Variants in ATF2 observed in about 807,000 individuals in gnomAD.
The protein encoded by ATF2 is cyclic AMP-dependent transcription factor ATF-2.
Under a neutral mutation model 60.6 loss-of-function variants are expected in ATF2, and 24 were observed. The ratio of observed to expected loss-of-function variants is 0.40; its 90% CI spans 0.29 to 0.56. The LOEUF (loss-of-function observed/expected upper bound fraction) is 0.56, where lower values mean the gene tolerates loss of function less well. Ranked by LOEUF, ATF2 falls within the 20% of genes least tolerant of loss-of-function variation. The pLI, the probability that ATF2 is intolerant of heterozygous loss-of-function variation, is 0.54. For synonymous variants in ATF2, 206 were observed against 215.4 expected, an observed-to-expected ratio of 0.96 and a Z score of 0.38; for missense variants, 433 against 607.7, an observed-to-expected ratio of 0.71 and a Z score of 3.02.
chr2:175,144,985 G>A (rs1186235516), intron 2 of ATF2, among the ~76,000 whole-genome samples: 3 of 152,212 alleles, frequency 2.0e-5, no homozygotes, highest in Admixed American at 6.5e-5. Context: ...CTAGGTAAGA[G>A]TGAATTCATA....
chr2:175,108,322 G>A (rs1351920109), intron 10 of ATF2, among the ~76,000 whole-genome samples: 1 of 151,196 alleles, frequency 6.6e-6, no homozygotes, highest in African/African-American at 2.4e-5. Context: ...GGAGGGAGGT[G>A]GGGGGTCAAC....
chr2:175,166,834 G>A (rs955437169), intron 1 of ATF2, among the ~76,000 whole-genome samples: 5 of 152,138 alleles, frequency 3.3e-5, no homozygotes, highest in African/African-American at 1.2e-4. Flanking sequence ...CATGCATTGT[G>A]ACCGTCTCCA....
At position 175,078,146 on chromosome 2, in the gene ATF2, T is replaced by G. The variant is rs538337976; in HGVS notation, c.1291+2514A>C. Among the ~76,000 whole-genome samples, 62 of 152,258 alleles carry G rather than the reference T, an allele frequency of 4.1e-4. 1 individual carries two copies. In the South Asian group the frequency reaches 0.013, roughly 31 times the overall value. Reference sequence around the variant, plus strand: ...AAATGCCTGGCTTTTTTAAACTTTATTTTTTGTAGAGATGGGGTCCCGCTA... The same window carrying G: ...AAATGCCTGGCTTTTTTAAACTTTAGTTTTTGTAGAGATGGGGTCCCGCTA... On this transcript the variant is annotated intron_variant, in intron 13 of 13. Transcript: ENST00000264110.
At chr2:175,082,488 A>G (rs1359883368) in intron 12 of ATF2, among the ~76,000 whole-genome samples, 1 of 152,186 alleles carries the variant, frequency 6.6e-6, no homozygotes, top group South Asian at 2.1e-4. Flanking sequence ...TACCCAATGT[A>G]TATTACCCAT....
Position 175,093,192 on chromosome 2 carries a change from C to T in ATF2, c.1054G>A (p.Asp352Asn), listed in dbSNP as rs1374929488. The change falls in exon 12 of 14, where the codon GAT becomes AAT. Residue 352 changes from aspartate to asparagine, a missense_variant. By Grantham distance (23) the Asp-to-Asn change is conservative (BLOSUM62 1). Coordinates refer to ENST00000264110, the MANE Select transcript of ATF2 (RefSeq NM_001880.4). ...TCTAAAAACTTTCTCCTTTTTTCATCAGGATCTTCGTTAGCTGCTCTTCTC... is the reference window on the plus strand; with the variant it reads ...TCTAAAAACTTTCTCCTTTTTTCATTAGGATCTTCGTTAGCTGCTCTTCTC... ...RRRRAANEDPDEKRRKFLERN... is the reference protein window; with the variant it reads ...RRRRAANEDPNEKRRKFLERN... 6.2e-7 allele frequency: 1 copy of T among 1,613,996 alleles called. No individual in the cohort carries two copies. Among genetic ancestry groups the T allele is most frequent in the African/African-American group, 1.3e-5 (1 of 74,926 alleles).
At chr2:175,165,456 G>T (rs972112459) in intron 1 of ATF2, among the ~76,000 whole-genome samples, 21 of 152,156 alleles carry the variant, frequency 1.4e-4, no homozygotes, top group African/African-American at 5.1e-4. Flanking sequence ...CAATTTACCA[G>T]ACAAGAACGT....
chr2:175,087,470 T>C (rs972736753), intron 12 of ATF2, among the ~76,000 whole-genome samples: 1 of 152,190 alleles, frequency 6.6e-6, no homozygotes, highest in Non-Finnish European at 1.5e-5. Context: ...TCTTACATTG[T>C]CTATGTAATG....
At chr2:175,162,979 A>T (rs765875968) in intron 1 of ATF2, among the ~76,000 whole-genome samples, 3 of 151,972 alleles carry the variant, frequency 2.0e-5, no homozygotes, top group East Asian at 1.9e-4. Context: ...TAAAAATATT[A>T]AAAAATTTGC....
intron 2 of ATF2, among the ~76,000 whole-genome samples, chr2:175,144,305 C>A (rs1698800215): frequency 6.6e-6 from 1 of 152,056 alleles, no homozygotes; most frequent in Non-Finnish European, 1.5e-5. Flanking sequence ...AAAAATATTT[C>A]TCCTGCTATT....
chr2:175,151,145 T>C lies in ATF2; in HGVS notation c.-129A>G, dbSNP rs1699287992. ...ATCAATAAGCAGTCCTTTCTCAAGT[T>C]TCCATCTAGTACCCTTAGGGAAAAA... On this transcript the variant is annotated 5_prime_UTR_variant, in exon 2 of 14. Coordinates refer to ENST00000264110, the MANE Select transcript of ATF2 (RefSeq NM_001880.4). The C allele has an allele frequency of 6.6e-6, 1 of 152,516 alleles. No individual in the cohort carries two copies. Among genetic ancestry groups the C allele is most frequent in the South Asian group, 2.1e-4 (1 of 4,826 alleles). The allele number at this position is 152,516 out of a possible 1,614,324, so 9.4% of individuals were successfully genotyped here. A position where few individuals can be genotyped will look rare whatever the true frequency, so the allele number is the denominator to read the frequency against.
chr2:175,166,101 G>T (rs752441462), intron 1 of ATF2, among the ~76,000 whole-genome samples: 1 of 152,098 alleles, frequency 6.6e-6, no homozygotes, highest in Non-Finnish European at 1.5e-5. Flanking sequence ...ATTTTAAAAA[G>T]GATTTTCAGG....
At chr2:175,104,611 T>C (rs1695522605) in intron 10 of ATF2, among the ~76,000 whole-genome samples, 1 of 152,180 alleles carries the variant, frequency 6.6e-6, no homozygotes, top group South Asian at 2.1e-4. Context: ...AATCAAGTTC[T>C]GTGACCATTT....
In ATF2 at chr2:175,085,599, A is replaced by ACACACAC. The variant is rs1553501577; in HGVS notation, c.1186-4835_1186-4834insGTGTGTG. Reference sequence around the variant, plus strand: ...ACACACACACACACACACACACACAAATTCTCTCTTTAAATAGACAGGTCT... The same window carrying ACACACAC: ...ACACACACACACACACACACACACAACACACACATTCTCTCTTTAAATAGACAGGTCT... On this transcript the variant is annotated intron_variant, in intron 12 of 13. Transcript: ENST00000264110. 7.2e-4 allele frequency among the ~76,000 whole-genome samples: 79 copies of ACACACAC among 110,382 alleles called. 1 individual carries two copies. Among genetic ancestry groups the ACACACAC allele is most frequent in the South Asian group, 3.6e-3 (13 of 3,618 alleles). 72.4% of individuals were successfully genotyped at this position (110,382 alleles called of 152,430 possible).
At chr2:175,142,331 G>T (rs528955307) in intron 2 of ATF2, among the ~76,000 whole-genome samples, 1 of 151,850 alleles carries the variant, frequency 6.6e-6, no homozygotes, top group African/African-American at 2.4e-5. Flanking sequence ...ACCACTCCCG[G>T]CTAATTTTTG....
chr2:175,124,568 A>G (rs1697191513), intron 4 of ATF2, among the ~76,000 whole-genome samples: 1 of 151,958 alleles, frequency 6.6e-6, no homozygotes, highest in African/African-American at 2.4e-5. Context: ...TAAGTTTTCA[A>G]GCCATTGGGC....
chr2:175,131,529 T>C (rs1361292608), intron 3 of ATF2, among the ~76,000 whole-genome samples: 4 of 152,086 alleles, frequency 2.6e-5, no homozygotes, highest in African/African-American at 9.7e-5. Context: ...GTACAAATTT[T>C]TGACCTACAC....
intron 12 of ATF2, among the ~76,000 whole-genome samples, chr2:175,085,422 C>T (rs148726984): frequency 3.9e-5 from 6 of 151,952 alleles, no homozygotes; most frequent in South Asian, 2.1e-4. Context: ...GTAATCCCAG[C>T]GACTTGGAAG....
intron 12 of ATF2, 133 bp from the exon 13 acceptor site, chr2:175,080,898 A>G: frequency 4.9e-6 from 3 of 612,452 alleles, no homozygotes; most frequent in Non-Finnish European, 5.7e-6. Context: ...ATGCTGATTA[A>G]ATATGTCTAA....
intron 1 of ATF2, among the ~76,000 whole-genome samples, chr2:175,156,320 G>C (rs906912543): frequency 7.3e-6 from 1 of 137,808 alleles, no homozygotes; most frequent in Non-Finnish European, 1.5e-5. Flanking sequence ...GCAGTGAGCC[G>C]AGATTGCACC....
Sources: gnomAD v4.1 joint callset for allele counts (sites outside exome capture counted in the v4.1 genomes callset) on GRCh38, gnomAD v4.1.1 for gene constraint, MANE v1.5 for transcripts, NCBI Gene and HGNC (gene_info 2026-07-23, HGNC 2026-07-21) for gene names.